The following HADHB variants were observed in gnomAD, a reference collection of about 807,000 sequenced individuals.
HADHB encodes the protein hydroxyacyl-CoA dehydrogenase trifunctional multienzyme complex subunit beta.
A neutral mutation model predicts 61.9 loss-of-function variants in HADHB; 50 were observed. The ratio of observed to expected loss-of-function variants is 0.81; its 90% CI spans 0.64 to 1.02. The LOEUF is 1.02. HADHB is among the 50% of genes least tolerant of loss of function. The pLI is 0.00. For missense variants in HADHB, 504 were observed against 586.5 expected (o/e 0.86, Z 1.45); for synonymous variants, 191 against 201.6 (o/e 0.95, Z 0.45).
At position 26,272,674 on chromosome 2, in the gene HADHB, G is replaced by A. The variant is rs141860953; in HGVS notation, c.255-977G>A. ...GATATGGTCCCATTTGTCTTTGAGTGCTTCCTTACTTTTGGCACAAAAAAG... is the reference window on the plus strand; with the variant it reads ...GATATGGTCCCATTTGTCTTTGAGTACTTCCTTACTTTTGGCACAAAAAAG... On this transcript the variant is annotated intron_variant, in intron 5 of 15. Coordinates refer to ENST00000317799, the MANE Select transcript of HADHB (RefSeq NM_000183.3). Among the ~76,000 whole-genome samples the A allele has an allele frequency of 4.0e-3, 608 of 152,088 alleles. 4 individuals carry two copies. The highest frequency in any genetic ancestry group is 0.014 in the African/African-American group (587 of 41,488).
At chr2:26,277,224 A>C (rs1672564795) in intron 7 of HADHB, 64 bp downstream of exon 7, 1 of 785,278 alleles carries the variant, frequency 1.3e-6, no homozygotes, top group Non-Finnish European at 2.1e-6. Flanking sequence ...ACTTGATTAT[A>C]AAAATGTACT....
intron 15 of HADHB, among the ~76,000 whole-genome samples, chr2:26,289,571 T>A (rs1673180799): frequency 6.6e-6 from 1 of 152,330 alleles, no homozygotes; most frequent in East Asian, 1.9e-4. Flanking sequence ...AGAGCATCAC[T>A]AGGAATTAGA....
chr2:26,277,060 C>G lies in HADHB; in HGVS notation c.355-13C>G. ...CCTTATAGTGATCATTTCATTCACT[C>G]TATTTCCTAAAGGCTGCCCTTGGAG... On this transcript the variant is annotated splice_polypyrimidine_tract_variant and intron_variant, in intron 6 of 15. Transcript: ENST00000317799. 2 of 1,393,460 alleles carry G rather than the reference C, an allele frequency of 1.4e-6. No individual in the cohort carries two copies. The highest frequency in any genetic ancestry group is 1.4e-5 in the African/African-American group (1 of 70,886). The allele number at this position is 1,393,460 out of a possible 1,614,324, so 86.3% of individuals were successfully genotyped here.
chr2:26,257,560 C>T (rs4665847), intron 3 of HADHB, among the ~76,000 whole-genome samples: 14,102 of 152,044 alleles, frequency 0.093, 2,268 homozygotes, highest in East Asian at 0.75. Flanking sequence ...CCAGTAACGG[C>T]GGGGCTGAGG....
chr2:26,267,346 A>G (rs1672129228), intron 4 of HADHB, among the ~76,000 whole-genome samples: 1 of 152,194 alleles, frequency 6.6e-6, no homozygotes, highest in Non-Finnish European at 1.5e-5. Flanking sequence ...CTTAAAAAAA[A>G]GAGGGGTTCA....
intron 10 of HADHB, among the ~76,000 whole-genome samples, chr2:26,280,349 TA>T (rs1672735259): frequency 6.6e-6 from 1 of 152,108 alleles, no homozygotes; most frequent in South Asian, 2.1e-4. Flanking sequence ...TTCAGGCACT[TA>T]ACCAGTCAAA....
intron 15 of HADHB, among the ~76,000 whole-genome samples, chr2:26,289,353 A>G (rs996934911): frequency 3.3e-5 from 5 of 152,210 alleles, no homozygotes; most frequent in Admixed American, 1.3e-4. Flanking sequence ...AAGAAGGGAC[A>G]AGCCCAGCCT....
In HADHB at chr2:26,260,965, A is replaced by G; in HGVS notation, c.110-2415A>G. ...CTTCAACTAATTGGCATTTCTTTCC[A>G]TGCTTCTTTGCCTAGAGAGAGAATC... is the stretch of plus-strand genomic sequence containing the variant. On this transcript the variant is annotated intron_variant, in intron 3 of 15. Transcript: ENST00000317799. 2.2e-6 allele frequency: 3 copies of G among 1,367,940 alleles called. No individual in the cohort carries two copies. In the South Asian group the frequency reaches 3.8e-5, roughly 17 times the overall value. The allele number at this position is 1,367,940 out of a possible 1,614,324, so 84.7% of individuals were successfully genotyped here.
At chr2:26,261,147 G>T in intron 3 of HADHB, 3 of 714,820 alleles carry the variant, frequency 4.2e-6, no homozygotes, top group Non-Finnish European at 7.3e-6. Flanking sequence ...GGCAGGGACT[G>T]TAAGCAGGGC....
At chr2:26,271,374 G>A (rs1244602859) in intron 5 of HADHB, among the ~76,000 whole-genome samples, 2 of 152,034 alleles carry the variant, frequency 1.3e-5, no homozygotes, top group Non-Finnish European at 2.9e-5. Flanking sequence ...GGGCGTAGTA[G>A]CACATGCCTG....
intron 1 of HADHB, among the ~76,000 whole-genome samples, chr2:26,249,806 G>A (rs1671327973): frequency 1.3e-5 from 2 of 151,982 alleles, no homozygotes; most frequent in South Asian, 4.1e-4. Context: ...AGTGGTCAAG[G>A]CAATGCCGTG....
chr2:26,290,138 A>G lies in HADHB; in HGVS notation c.*185A>G. 1.6e-6 allele frequency: 1 copy of G among 632,522 alleles called. No homozygotes were observed. Among genetic ancestry groups the G allele is most frequent in the Non-Finnish European group, 2.9e-6 (1 of 350,472 alleles). The allele number at this position is 632,522 out of a possible 1,614,324, so 39.2% of individuals were successfully genotyped here. ...TTCTGAGCTTTTCAATAATCAGTTT[A>G]CTGCTCTTTCAGGGATTTCTAAGCC... On this transcript the variant is annotated 3_prime_UTR_variant, in exon 16 of 16. Coordinates refer to ENST00000317799, the MANE Select transcript of HADHB (RefSeq NM_000183.3).
intron 1 of HADHB, among the ~76,000 whole-genome samples, chr2:26,249,776 A>G (rs756774411): frequency 6.6e-6 from 1 of 151,980 alleles, no homozygotes; most frequent in Non-Finnish European, 1.5e-5. Flanking sequence ...AACTGATGAA[A>G]CCATCCACAA....
At chr2:26,280,209 A>C (rs1574664579) in intron 10 of HADHB, 94 bp downstream of exon 10, 2 of 957,396 alleles carry the variant, frequency 2.1e-6, no homozygotes, top group Non-Finnish European at 3.4e-6. Flanking sequence ...TGTGTTATGA[A>C]TAGAGGGTTA....
In HADHB at chr2:26,268,021, A is replaced by G. The variant is rs1425359202; in HGVS notation, c.210-1932A>G. Among the ~76,000 whole-genome samples the G allele has an allele frequency of 2.0e-5, 3 of 152,252 alleles. No homozygotes were observed. The East Asian group carries it at 5.8e-4, about 29-fold the overall frequency. ...GCTGGGTGTGGTAGCAGACACCGGT[A>G]GTCCTACCTACAAGGGAGGCCGAAG... On this transcript the variant is annotated intron_variant, in intron 4 of 15. Coordinates refer to ENST00000317799, the MANE Select transcript of HADHB (RefSeq NM_000183.3).
chr2:26,256,577 A>G (rs570967138), intron 3 of HADHB, among the ~76,000 whole-genome samples: 1 of 152,270 alleles, frequency 6.6e-6, no homozygotes, highest in South Asian at 2.1e-4. Context: ...GTTGTATAAT[A>G]CATGACACAT....
intron 13 of HADHB, among the ~76,000 whole-genome samples, chr2:26,284,461 T>C (rs559296025): frequency 2.6e-4 from 39 of 151,612 alleles, no homozygotes; most frequent in African/African-American, 8.2e-4. Context: ...TGTTCAACTT[T>C]ACTTTTTTTT....
At chr2:26,256,132 C>T (rs548043505) in intron 3 of HADHB, among the ~76,000 whole-genome samples, 5 of 152,108 alleles carry the variant, frequency 3.3e-5, no homozygotes, top group African/African-American at 4.8e-5. Context: ...CATGGTGTTC[C>T]GCAAATATAA....
intron 10 of HADHB, among the ~76,000 whole-genome samples, chr2:26,280,853 CAAAAAAAAAAAAAA>C (rs10560210): frequency 2.0e-5 from 1 of 49,152 alleles, no homozygotes; most frequent in Admixed American, 3.2e-4. Context: ...ACTCCCATCT[CAAAAAAAAAAAAAA>C]AAAAAAAAAA....
Sources: gnomAD v4.1 joint callset for allele counts (sites outside exome capture counted in the v4.1 genomes callset) on GRCh38, gnomAD v4.1.1 for gene constraint, MANE v1.5 for transcripts, NCBI Gene and HGNC (gene_info 2026-07-23, HGNC 2026-07-21) for gene names.